LDB2: variants seen among roughly 807,000 people sequenced by gnomAD.
LDB2 encodes the protein LIM domain binding 2.
A neutral mutation model predicts 44.3 loss-of-function variants in LDB2; 12 were observed. That is an observed-to-expected ratio of 0.27 (90% confidence interval 0.17 to 0.44). The LOEUF is 0.44. Among genes scored for constraint, LDB2 ranks in the 20% least tolerant of loss-of-function variants. LDB2 has a pLI of 1.00. For synonymous variants in LDB2, 164 were observed against 174.8 expected (o/e 0.94, Z 0.49); for missense variants, 344 against 473.5 (o/e 0.73, Z 2.54).
chr4:16,588,426 T>G (rs983193123), intron 4 of LDB2, among the ~76,000 whole-genome samples: 10 of 152,190 alleles, frequency 6.6e-5, no homozygotes, highest in African/African-American at 2.4e-4. Context: ...TGGATGGAAT[T>G]TAAGAAAAGT....
intron 2 of LDB2, among the ~76,000 whole-genome samples, chr4:16,643,092 G>A (rs1044956957): frequency 2.0e-5 from 3 of 150,618 alleles, no homozygotes; most frequent in Non-Finnish European, 3.0e-5. Context: ...ACAATTTCCC[G>A]GTAGATGGCA....
chr4:16,746,800 C>T (rs73241041), intron 2 of LDB2, among the ~76,000 whole-genome samples: 12,508 of 151,988 alleles, frequency 0.082, 744 homozygotes, highest in East Asian at 0.37. Context: ...AAATAAATAA[C>T]TAATTAAAAA....
chr4:16,591,937 A>T (rs1719136592), intron 3 of LDB2, among the ~76,000 whole-genome samples: 1 of 152,168 alleles, frequency 6.6e-6, no homozygotes, highest in Non-Finnish European at 1.5e-5. Flanking sequence ...CAATTAAGAA[A>T]ACATTTTCTG....
rs1349960049 is a variant in LDB2, at chr4:16,584,091, G to T, written c.615+1831C>A. 5.9e-5 allele frequency among the ~76,000 whole-genome samples: 9 copies of T among 152,256 alleles called. No individual in the cohort carries two copies. In the South Asian group the frequency reaches 1.7e-3, roughly 28 times the overall value. On this transcript the variant is annotated intron_variant, in intron 5 of 7. Transcript: ENST00000304523. ...CCCAGAGTGAGAGTAGAGAGTCGGCGCTGTGTTTCTCTACGTGGCTCCAGC... is the reference window on the plus strand; with the variant it reads ...CCCAGAGTGAGAGTAGAGAGTCGGCTCTGTGTTTCTCTACGTGGCTCCAGC...
At chr4:16,854,174 T>C (rs1002916914) in intron 1 of LDB2, among the ~76,000 whole-genome samples, 19 of 152,084 alleles carry the variant, frequency 1.2e-4, no homozygotes, top group African/African-American at 4.6e-4. Flanking sequence ...AACAAATTGA[T>C]AAGTATGTGA....
chr4:16,877,478 C>A (rs1224632902), intron 1 of LDB2, among the ~76,000 whole-genome samples: 2 of 152,184 alleles, frequency 1.3e-5, no homozygotes, highest in Non-Finnish European at 2.9e-5. Context: ...AAAGTCAATG[C>A]ATCCATAAGA....
intron 1 of LDB2, among the ~76,000 whole-genome samples, chr4:16,882,623 G>T (rs1720488340): frequency 6.6e-6 from 1 of 152,164 alleles, no homozygotes; most frequent in African/African-American, 2.4e-5. Context: ...TGAGATTTCA[G>T]CTTCTAACGA....
At chr4:16,655,976 T>G (rs929203431) in intron 2 of LDB2, among the ~76,000 whole-genome samples, 1 of 138,136 alleles carries the variant, frequency 7.2e-6, no homozygotes, top group East Asian at 2.2e-4. Context: ...CTCAGCTCAC[T>G]GCAAGCTCCA....
intron 1 of LDB2, among the ~76,000 whole-genome samples, chr4:16,811,241 A>G (rs1415469294): frequency 6.6e-6 from 1 of 152,188 alleles, no homozygotes; most frequent in African/African-American, 2.4e-5. Context: ...TTCATTTTGC[A>G]AACACTTATT....
intron 1 of LDB2, among the ~76,000 whole-genome samples, chr4:16,768,659 A>G (rs1769905224): frequency 6.6e-6 from 1 of 152,104 alleles, no homozygotes; most frequent in African/African-American, 2.4e-5. Flanking sequence ...TGTGTTTTTG[A>G]TTCCTTAATC....
chr4:16,675,987 A>G (rs951976684), intron 2 of LDB2, among the ~76,000 whole-genome samples: 1 of 152,240 alleles, frequency 6.6e-6, no homozygotes, highest in African/African-American at 2.4e-5. Flanking sequence ...GCATATTGGT[A>G]GGTGCCCTTT....
chr4:16,570,462 C>CAAAAA (rs71181175), intron 5 of LDB2, among the ~76,000 whole-genome samples: 293 of 16,602 alleles, frequency 0.018, 129 homozygotes, highest in Non-Finnish European at 0.039. Context: ...GACTCTGTCT[C>CAAAAA]AAAAAAAAAA....
chr4:16,767,964 C>T (rs1769727546), intron 1 of LDB2, among the ~76,000 whole-genome samples: 1 of 152,164 alleles, frequency 6.6e-6, no homozygotes, highest in South Asian at 2.1e-4. Context: ...TAGATTCTCT[C>T]CTGTTCCCAA....
intron 2 of LDB2, among the ~76,000 whole-genome samples, chr4:16,717,381 A>T (rs1470932211): frequency 6.6e-6 from 1 of 152,102 alleles, no homozygotes; most frequent in East Asian, 1.9e-4. Context: ...AATACAAAAC[A>T]TATTCTGCCT....
chr4:16,816,283 A>G (rs1176349107), intron 1 of LDB2, among the ~76,000 whole-genome samples: 2 of 152,132 alleles, frequency 1.3e-5, no homozygotes, highest in African/African-American at 4.8e-5. Context: ...CATGGTATTA[A>G]TACATATTAC....
At chr4:16,820,464 G>A (rs1482196767) in intron 1 of LDB2, among the ~76,000 whole-genome samples, 5 of 152,114 alleles carry the variant, frequency 3.3e-5, no homozygotes, top group Non-Finnish European at 7.4e-5. Flanking sequence ...GTGTTATAGA[G>A]GGGGAAAAAC....
chr4:16,677,041 CT>C (rs1405076277), intron 2 of LDB2, among the ~76,000 whole-genome samples: 1 of 152,200 alleles, frequency 6.6e-6, no homozygotes, highest in East Asian at 1.9e-4. Context: ...CCCTTAACCT[CT>C]TTGAACCTCA....
chr4:16,818,984 T>C (rs1407222728), intron 1 of LDB2, among the ~76,000 whole-genome samples: 2 of 152,206 alleles, frequency 1.3e-5, no homozygotes, highest in African/African-American at 4.8e-5. Flanking sequence ...CAGTGTATTG[T>C]ATAAAGGCAA....
At chr4:16,637,299 A>ATTTTTTTTTTTTTTTTTTTTTTTTT (rs34484721) in intron 2 of LDB2, among the ~76,000 whole-genome samples, 7 of 85,482 alleles carry the variant, frequency 8.2e-5, no homozygotes, top group Admixed American at 3.6e-4. Context: ...GCCTAGGCTG[A>ATTTTTTTTTTTTTTTTTTTTTTTTT]TTTTTTTTTT....
Sources: gnomAD v4.1 joint callset for allele counts (sites outside exome capture counted in the v4.1 genomes callset) on GRCh38, gnomAD v4.1.1 for gene constraint, MANE v1.5 for transcripts, NCBI Gene and HGNC (gene_info 2026-07-23, HGNC 2026-07-21) for gene names.